EFNB2: variants seen among roughly 807,000 people sequenced by gnomAD.
EFNB2 encodes ephrin B2.
EFNB2 carries 5 observed loss-of-function variants against 32.1 expected under a neutral mutation model. The observed-to-expected ratio is 0.16, with a 90% confidence interval of 0.08 to 0.33. The LOEUF is 0.33. Ranked by LOEUF, EFNB2 falls within the 10% of genes least tolerant of loss-of-function variation. The pLI is 1.00. For missense variants in EFNB2, 263 were observed against 422.6 expected, an observed-to-expected ratio of 0.62 and a Z score of 3.31; for synonymous variants, 168 against 166.5, an observed-to-expected ratio of 1.01 and a Z score of -0.07.
At chr13:106,532,079 C>CAAAAAAAAAAA (rs1404488142) in intron 1 of EFNB2, among the ~76,000 whole-genome samples, 1 of 41,856 alleles carries the variant, frequency 2.4e-5, no homozygotes, top group African/African-American at 6.3e-5. Context: ...AAAAAAAAAC[C>CAAAAAAAAAAA]AAAACTTTAA....
intron 2 of EFNB2, among the ~76,000 whole-genome samples, chr13:106,508,893 T>C (rs1334953673): frequency 6.6e-6 from 1 of 152,324 alleles, no homozygotes; most frequent in East Asian, 1.9e-4. Context: ...TAAAAATTCA[T>C]ATTCACGTCT....
At chr13:106,530,732 C>T (rs1356727630) in intron 1 of EFNB2, among the ~76,000 whole-genome samples, 1 of 152,086 alleles carries the variant, frequency 6.6e-6, no homozygotes, top group African/African-American at 2.4e-5. Flanking sequence ...ATTAGGTGAA[C>T]GCACTCTAAA....
At chr13:106,534,141 T>G (rs1212713206) in intron 1 of EFNB2, among the ~76,000 whole-genome samples, 1 of 152,226 alleles carries the variant, frequency 6.6e-6, no homozygotes, top group East Asian at 1.9e-4. Flanking sequence ...GACCGCATAC[T>G]CCGGGGCTAC....
At chr13:106,501,854 A>T (rs1878795021) in intron 2 of EFNB2, among the ~76,000 whole-genome samples, 1 of 152,164 alleles carries the variant, frequency 6.6e-6, no homozygotes, top group Non-Finnish European at 1.5e-5. Flanking sequence ...GGCCTCCCAA[A>T]GTGCTAGGAT....
chr13:106,517,693 C>T (rs9514545), intron 1 of EFNB2: 114,183 of 152,104 alleles, frequency 0.75, 42,912 homozygotes, highest in South Asian at 0.78. Flanking sequence ...ACTCCAGTGG[C>T]TTTTCCCAGT....
Position 106,535,210 on chromosome 13 carries a change from G to T in EFNB2, c.-246C>A, listed in dbSNP as rs1034468013. 1.8e-4 allele frequency: 29 copies of T among 160,024 alleles called. No individual in the cohort carries two copies. Among genetic ancestry groups the T allele is most frequent in the Admixed American group, 1.2e-3 (18 of 14,878 alleles). 9.9% of individuals were successfully genotyped at this position (160,024 alleles called of 1,614,324 possible). A position where few individuals can be genotyped will look rare whatever the true frequency, so the allele number is the denominator to read the frequency against. ...GGCGCGGCGGACTCGGGGTTCCGGGGCGCCGCGCCGGACGCAGCTCGGACG... is the reference window on the plus strand; with the variant it reads ...GGCGCGGCGGACTCGGGGTTCCGGGTCGCCGCGCCGGACGCAGCTCGGACG... On this transcript the variant is annotated 5_prime_UTR_variant, in exon 1 of 5. Transcript: ENST00000646441.
rs12430518 is a variant in EFNB2 at position 106,534,255 on chromosome 13, C to T, written c.122+588G>A. Among the ~76,000 whole-genome samples, 214 of 152,314 alleles carry T rather than the reference C, an allele frequency of 1.4e-3. 2 individuals carry two copies. The highest frequency in any genetic ancestry group is 0.014 in the Admixed American group (208 of 15,312). On this transcript the variant is annotated intron_variant, in intron 1 of 4. Transcript: ENST00000646441. ...GGAAAGGGCTCGACGCCCGAGTTCT[C>T]CTGCGAAGCAGGCGAGCTCCCCGCG...
intron 1 of EFNB2, among the ~76,000 whole-genome samples, chr13:106,523,881 GTCATACTATC>G (rs1879616264): frequency 6.6e-6 from 1 of 152,162 alleles, no homozygotes; most frequent in African/African-American, 2.4e-5. Flanking sequence ...TAAAAAAGAT[GTCATACTATC>G]TCCTTAGCTT....
chr13:106,531,399 G>A (rs1248925775), intron 1 of EFNB2, among the ~76,000 whole-genome samples: 1 of 152,184 alleles, frequency 6.6e-6, no homozygotes, highest in African/African-American at 2.4e-5. Flanking sequence ...GGATGTGAAA[G>A]CACTAACAAT....
intron 1 of EFNB2, among the ~76,000 whole-genome samples, chr13:106,523,813 G>A (rs977964092): frequency 6.6e-6 from 1 of 152,146 alleles, no homozygotes; most frequent in African/African-American, 2.4e-5. Context: ...TGACAAGCTG[G>A]AAGCTGGCAC....
At chr13:106,503,725 T>C (rs994734313) in intron 2 of EFNB2, among the ~76,000 whole-genome samples, 1 of 152,146 alleles carries the variant, frequency 6.6e-6, no homozygotes, top group Non-Finnish European at 1.5e-5. Flanking sequence ...GGACTCTCTC[T>C]TTCCTTGTAT....
chr13:106,517,260 T>C (rs1401630738), intron 1 of EFNB2: 1 of 152,204 alleles, frequency 6.6e-6, no homozygotes, highest in Non-Finnish European at 1.5e-5. Flanking sequence ...GTTCAGATAA[T>C]GTTCATCTTG....
At chr13:106,504,653 A>T (rs569655091) in intron 2 of EFNB2, among the ~76,000 whole-genome samples, 1 of 152,318 alleles carries the variant, frequency 6.6e-6, no homozygotes, top group East Asian at 1.9e-4. Context: ...CTACTTCACC[A>T]ATGCAAAAAA....
chr13:106,530,286 C>T (rs1227572271), intron 1 of EFNB2, among the ~76,000 whole-genome samples: 1 of 152,130 alleles, frequency 6.6e-6, no homozygotes, highest in African/African-American at 2.4e-5. Context: ...AAGGGGGGAG[C>T]TGTTCCCTGA....
At chr13:106,495,866 CA>C (rs776607483) in intron 2 of EFNB2, 26 bp from the exon 3 acceptor site, 6 of 1,589,718 alleles carry the variant, frequency 3.8e-6, no homozygotes, top group South Asian at 1.1e-5. Flanking sequence ...ATGGACAAAA[CA>C]AAAAAATAAA....
intron 2 of EFNB2, among the ~76,000 whole-genome samples, chr13:106,502,706 G>A (rs1239296409): frequency 6.6e-6 from 1 of 152,130 alleles, no homozygotes; most frequent in Non-Finnish European, 1.5e-5. Context: ...CACAGCTTTC[G>A]CATAAAGCCT....
chr13:106,517,464 T>A (rs966021549), intron 1 of EFNB2: 2 of 151,906 alleles, frequency 1.3e-5, no homozygotes, highest in Non-Finnish European at 2.9e-5. Context: ...GAGAGAGAAC[T>A]GAGCCAGACC....
intron 2 of EFNB2, among the ~76,000 whole-genome samples, chr13:106,501,861 G>T (rs562909544): frequency 6.6e-6 from 1 of 152,280 alleles, no homozygotes; most frequent in East Asian, 1.9e-4. Flanking sequence ...CAAAGTGCTA[G>T]GATTACAGGC....
chr13:106,532,766 G>A (rs1879919111), intron 1 of EFNB2, among the ~76,000 whole-genome samples: 1 of 151,718 alleles, frequency 6.6e-6, no homozygotes, highest in Non-Finnish European at 1.5e-5. Context: ...CAGAAACGCA[G>A]GGCCCTCGCA....
Sources: gnomAD v4.1 joint callset for allele counts (sites outside exome capture counted in the v4.1 genomes callset) on GRCh38, gnomAD v4.1.1 for gene constraint, MANE v1.5 for transcripts, NCBI Gene and HGNC (gene_info 2026-07-23, HGNC 2026-07-21) for gene names.